The following HDGFL3 variants were observed in gnomAD, a reference collection of about 807,000 sequenced individuals.
HDGFL3 encodes hepatoma-derived growth factor-related protein 3.
Under a neutral mutation model 27.6 loss-of-function variants are expected in HDGFL3, and 6 were observed. The ratio of observed to expected loss-of-function variants is 0.22; its 90% CI spans 0.12 to 0.43. The LOEUF (loss-of-function observed/expected upper bound fraction) is 0.43. Among genes scored for constraint, HDGFL3 ranks in the 20% least tolerant of loss-of-function variants. The pLI is 1.00. For missense variants in HDGFL3, 207 were observed against 250.1 expected, an observed-to-expected ratio of 0.83 and a Z score of 1.16; for synonymous variants, 88 against 88.9, an observed-to-expected ratio of 0.99 and a Z score of 0.05.
In HDGFL3 at chr15:83,134,472, C is replaced by G. The variant is rs2036480708; in HGVS notation, c.*4798G>C. 1 of 152,308 alleles carries G rather than the reference C, an allele frequency of 6.6e-6. No homozygotes were observed. The highest frequency in any genetic ancestry group is 2.4e-5 in the African/African-American group (1 of 41,460). 9.4% of individuals were successfully genotyped at this position (152,308 alleles called of 1,614,324 possible). ...TCCTGACCTCAGGTGATCCACCCGC[C>G]TTGGCCTCCCAAAGTACTGGGATTA... On this transcript the variant is annotated 3_prime_UTR_variant, in exon 6 of 6. Transcript: ENST00000299633.
downstream of HDGFL3, chr15:83,126,961 G>A (rs1271197188): frequency 2.1e-5 from 16 of 771,300 alleles, no homozygotes; most frequent in Middle Eastern, 2.8e-4. Context: ...GGGAGGCCGA[G>A]GCAGGTTGAT....
chr15:83,126,652 C>T (rs1474876624), downstream of HDGFL3: 1 of 904,398 alleles, frequency 1.1e-6, no homozygotes, highest in Non-Finnish European at 1.7e-6. Flanking sequence ...TTTTGTTAAA[C>T]AGCAAAGCAG....
At chr15:83,125,760 C>T (rs1239140674), downstream of HDGFL3, among the ~76,000 whole-genome samples, 1 of 152,302 alleles carries the variant, frequency 6.6e-6, no homozygotes, top group East Asian at 1.9e-4. Flanking sequence ...ATGCAGGTGA[C>T]TTTTATCATT....
At chr15:83,194,997 T>G (rs925215674) in intron 1 of HDGFL3, among the ~76,000 whole-genome samples, 7 of 152,188 alleles carry the variant, frequency 4.6e-5, no homozygotes, top group African/African-American at 1.7e-4. Flanking sequence ...CAGTGTTATC[T>G]CTTTCTAATG....
chr15:83,124,093 G>A (rs2035511752), downstream of HDGFL3, among the ~76,000 whole-genome samples: 1 of 152,118 alleles, frequency 6.6e-6, no homozygotes, highest in Admixed American at 6.5e-5. Context: ...TCCAACAGTG[G>A]GAGAATGGCT....
chr15:83,132,298 T>A lies in HDGFL3; in HGVS notation c.*6972A>T, dbSNP rs868844059. The stretch of plus-strand genomic sequence containing the variant: ...GAAGATTAACCTGAAGACAAACTAA[T>A]TAAATTAAGTGTATTGTATATAATT... On this transcript the variant is annotated 3_prime_UTR_variant, in exon 6 of 6. Transcript: ENST00000299633. 1 of 152,198 alleles carries A rather than the reference T, an allele frequency of 6.6e-6. No homozygotes were observed. Among genetic ancestry groups the A allele is most frequent in the African/African-American group, 2.4e-5 (1 of 41,442 alleles). 9.4% of individuals were successfully genotyped at this position (152,198 alleles called of 1,614,324 possible). A position where few individuals can be genotyped will look rare whatever the true frequency, so the allele number is the denominator to read the frequency against.
chr15:83,126,041 G>T (rs987031785), downstream of HDGFL3, among the ~76,000 whole-genome samples: 3 of 152,158 alleles, frequency 2.0e-5, no homozygotes, highest in East Asian at 3.8e-4. Context: ...ATTCTTGCAC[G>T]GCCATATCCC....
At chr15:83,201,524 G>A (rs1393352012) in intron 1 of HDGFL3, among the ~76,000 whole-genome samples, 3 of 151,982 alleles carry the variant, frequency 2.0e-5, no homozygotes, top group Admixed American at 6.5e-5. Flanking sequence ...AAATATATTC[G>A]GGCTAGTCTC....
At position 83,137,431 on chromosome 15, in the gene HDGFL3, G is replaced by A. The variant is rs780284239; in HGVS notation, c.*1839C>T. On this transcript the variant is annotated 3_prime_UTR_variant, in exon 6 of 6. Transcript: ENST00000299633. ...AAACGCTTTTAAAGAAAATTTGTGA[G>A]TTGTATATTCCAATTCAAAATGCCA... 2.6e-5 allele frequency: 4 copies of A among 152,098 alleles called. No individual in the cohort carries two copies. Among genetic ancestry groups the A allele is most frequent in the Non-Finnish European group, 5.9e-5 (4 of 67,996 alleles). 9.4% of individuals were successfully genotyped at this position (152,098 alleles called of 1,614,324 possible). A position where few individuals can be genotyped will look rare whatever the true frequency, so the allele number is the denominator to read the frequency against.
At chr15:83,121,093 C>T (rs758314965) in intron 3 of HDGFL3, among the ~76,000 whole-genome samples, 11 of 151,306 alleles carry the variant, frequency 7.3e-5, no homozygotes, top group Non-Finnish European at 1.3e-4. Context: ...TATTTTGAGA[C>T]GGAGTCTCGC....
At chr15:83,168,116 C>A (rs1472402994) in intron 1 of HDGFL3, among the ~76,000 whole-genome samples, 1 of 152,080 alleles carries the variant, frequency 6.6e-6, no homozygotes, top group East Asian at 1.9e-4. Flanking sequence ...TAAATAAAAA[C>A]AGAGATGTAA....
In HDGFL3 at chr15:83,207,014, C is replaced by T. The variant is rs1323903067; in HGVS notation, c.84+317G>A. Among the ~76,000 whole-genome samples, 1 of 152,240 alleles carries T rather than the reference C, an allele frequency of 6.6e-6. No homozygotes were observed. Among genetic ancestry groups the T allele is most frequent in the African/African-American group, 2.4e-5 (1 of 41,472 alleles). On this transcript the variant is annotated intron_variant, in intron 1 of 5. Coordinates refer to ENST00000299633, the MANE Select transcript of HDGFL3 (RefSeq NM_016073.4). The surrounding 1 kb of genome is among the most constrained non-coding windows in gnomAD (Gnocchi z 4.8). ...CTGCCCGGAGCCGAAGCCTCCGTCG[C>T]AGGCCCGCTGCCCGGCGGCGTGGCT...
At chr15:83,157,699 G>A (rs2037050480) in intron 3 of HDGFL3, 126 bp from the exon 4 acceptor site, 1 of 1,054,350 alleles carries the variant, frequency 9.5e-7, no homozygotes, top group East Asian at 2.5e-5. Context: ...CAAAAACAAA[G>A]GGCTGTCAAA....
chr15:83,151,900 T>C (rs1596549147), intron 4 of HDGFL3, among the ~76,000 whole-genome samples: 1 of 152,216 alleles, frequency 6.6e-6, no homozygotes, highest in Non-Finnish European at 1.5e-5. Flanking sequence ...ATCTTTTCAA[T>C]TGTGGAGCAT....
intron 3 of HDGFL3, chr15:83,119,653 C>G: frequency 6.2e-7 from 1 of 1,614,164 alleles, no homozygotes. Context: ...TCTGATGTAC[C>G]TGGTGATGGT....
exon 4 of HDGFL3, chr15:83,113,071 C>G (rs2034338036): frequency 6.4e-6 from 4 of 626,752 alleles, no homozygotes; most frequent in Non-Finnish European, 1.1e-5. Flanking sequence ...TATTGCCTCT[C>G]AGGCAGTGGA....
At position 83,122,123 on chromosome 15, in the gene HDGFL3, T is replaced by C. The variant is rs1373284085; in HGVS notation, c.394-6382A>G. ...TGATTCCAAGCTTACTAAAAACCTG[T>C]TTTGCAGAATAATTCCTTTTTCTCA... On this transcript the variant is annotated intron_variant, in intron 3 of 3. Transcript: ENST00000568294. 5 of 820,008 alleles carry C rather than the reference T, an allele frequency of 6.1e-6. No individual in the cohort carries two copies. In the East Asian group the frequency reaches 1.4e-4, roughly 22 times the overall value. The allele number at this position is 820,008 out of a possible 1,614,324, so 50.8% of individuals were successfully genotyped here.
intron 2 of HDGFL3, among the ~76,000 whole-genome samples, chr15:83,162,788 C>T (rs1018431544): frequency 2.6e-5 from 4 of 152,162 alleles, no homozygotes; most frequent in South Asian, 2.1e-4. Flanking sequence ...GCTCTACTAA[C>T]GTTCAAATGA....
chr15:83,119,442 A>G lies in HDGFL3; in HGVS notation c.394-3701T>C, dbSNP rs963799450. 6 of 940,822 alleles carry G rather than the reference A, an allele frequency of 6.4e-6. No homozygotes were observed. The African/African-American group carries it at 9.9e-5, about 15-fold the overall frequency. The allele number at this position is 940,822 out of a possible 1,614,324, so 58.3% of individuals were successfully genotyped here. A position where few individuals can be genotyped will look rare whatever the true frequency, so the allele number is the denominator to read the frequency against. ...AAGTTGTATTTTCATGTTCCTACCA[A>G]TTTTGAAGAAATAGTTTCATCTTAG... On this transcript the variant is annotated intron_variant, in intron 3 of 3. Transcript: ENST00000568294.
Sources: gnomAD v4.1 joint callset for allele counts (sites outside exome capture counted in the v4.1 genomes callset) on GRCh38, gnomAD v4.1.1 for gene constraint, Gnocchi (gnomAD v3.1) non-coding constraint, MANE v1.5 for transcripts, NCBI Gene and HGNC (gene_info 2026-07-23, HGNC 2026-07-21) for gene names.